The following CDK6 variants were observed in gnomAD, a reference collection of about 807,000 sequenced individuals.
CDK6 encodes cyclin dependent kinase 6, also known as cyclin-dependent kinase 6.
A neutral mutation model predicts 37.1 loss-of-function variants in CDK6; 6 were observed. That is an observed-to-expected ratio of 0.16 (90% CI 0.09 to 0.32). CDK6 has a LOEUF of 0.32. Ranked by LOEUF, CDK6 falls within the 10% of genes least tolerant of loss-of-function variation. The pLI, the probability that CDK6 is intolerant of heterozygous loss-of-function variation, is 1.00. For missense variants in CDK6, 224 were observed against 418.9 expected, an observed-to-expected ratio of 0.53 and a Z score of 4.06; for synonymous variants, 160 against 161.3, an observed-to-expected ratio of 0.99 and a Z score of 0.06.
intron 4 of CDK6, among the ~76,000 whole-genome samples, chr7:92,709,582 T>C (rs1470982315): frequency 6.6e-6 from 1 of 152,190 alleles, no homozygotes; most frequent in Non-Finnish European, 1.5e-5. Flanking sequence ...ATGTATTTTA[T>C]TTATGCATCC....
chr7:92,739,355 T>C (rs371551172), intron 3 of CDK6, among the ~76,000 whole-genome samples: 1 of 152,244 alleles, frequency 6.6e-6, no homozygotes, highest in African/African-American at 2.4e-5. Context: ...AATGTACACA[T>C]GCTTCCTGCT....
intron 3 of CDK6, among the ~76,000 whole-genome samples, chr7:92,750,762 C>A (rs1799169565): frequency 6.6e-6 from 1 of 152,162 alleles, no homozygotes; most frequent in African/African-American, 2.4e-5. Flanking sequence ...TTGTTATAGT[C>A]ACAGTGTGAT....
chr7:92,700,900 A>G (rs1418710939), intron 4 of CDK6, among the ~76,000 whole-genome samples: 1 of 152,286 alleles, frequency 6.6e-6, no homozygotes, highest in Non-Finnish European at 1.5e-5. Flanking sequence ...TCTTTAGAAT[A>G]TCCACTGCGG....
chr7:92,681,749 T>C (rs1797341064), intron 4 of CDK6, among the ~76,000 whole-genome samples: 1 of 152,184 alleles, frequency 6.6e-6, no homozygotes, highest in South Asian at 2.1e-4. Context: ...TTTTAAATTA[T>C]TGCTTAATCT....
chr7:92,817,780 T>C (rs1218361196), intron 2 of CDK6, among the ~76,000 whole-genome samples: 3 of 151,830 alleles, frequency 2.0e-5, no homozygotes, highest in Admixed American at 6.6e-5. Context: ...ACCAGACTAA[T>C]AAGGGAGTTT....
chr7:92,727,183 G>T (rs34741236), intron 3 of CDK6, among the ~76,000 whole-genome samples: 1 of 152,268 alleles, frequency 6.6e-6, no homozygotes, highest in Middle Eastern at 3.4e-3. Flanking sequence ...AATATTATAA[G>T]AATGGTGTAT....
chr7:92,742,411 C>T (rs962261405), intron 3 of CDK6, among the ~76,000 whole-genome samples: 1 of 152,202 alleles, frequency 6.6e-6, no homozygotes, highest in Non-Finnish European at 1.5e-5. Flanking sequence ...CTTTTTAGCA[C>T]AGATTTTGGG....
chr7:92,674,842 T>C (rs1313439109), intron 4 of CDK6, among the ~76,000 whole-genome samples: 1 of 152,230 alleles, frequency 6.6e-6, no homozygotes, highest in African/African-American at 2.4e-5. Flanking sequence ...TTCTTTCTTT[T>C]TTCTTTTTAG....
At chr7:92,656,490 G>C (rs1336823268) in intron 5 of CDK6, among the ~76,000 whole-genome samples, 1 of 152,072 alleles carries the variant, frequency 6.6e-6, no homozygotes, top group Non-Finnish European at 1.5e-5. Flanking sequence ...GTGTTTGGTG[G>C]GAAATTATGT....
intron 2 of CDK6, among the ~76,000 whole-genome samples, chr7:92,805,267 G>T (rs184225508): frequency 3.7e-4 from 56 of 152,124 alleles, no homozygotes; most frequent in Non-Finnish European, 7.5e-4. Flanking sequence ...AGTCACTCAG[G>T]ATCAAAGAGA....
intron 3 of CDK6, among the ~76,000 whole-genome samples, chr7:92,742,395 A>G (rs1451350603): frequency 1.3e-5 from 2 of 152,214 alleles, no homozygotes; most frequent in Non-Finnish European, 2.9e-5. Context: ...GGCTGTAAGC[A>G]GGCAACTTTT....
intron 3 of CDK6, among the ~76,000 whole-genome samples, chr7:92,761,293 TC>T (rs1364629577): frequency 6.6e-6 from 1 of 152,180 alleles, no homozygotes; most frequent in African/African-American, 2.4e-5. Flanking sequence ...AATAGCTCTC[TC>T]CTACACACAT....
chr7:92,673,563 A>T (rs1797137144), intron 4 of CDK6, among the ~76,000 whole-genome samples: 1 of 152,106 alleles, frequency 6.6e-6, no homozygotes, highest in Admixed American at 6.6e-5. Context: ...CTCCCAGAGT[A>T]TTTTCCATCA....
intron 5 of CDK6, among the ~76,000 whole-genome samples, chr7:92,662,628 G>C (rs1367312955): frequency 2.0e-5 from 3 of 152,132 alleles, no homozygotes; most frequent in African/African-American, 7.2e-5. Flanking sequence ...TGGGGGACAG[G>C]GAGAGTGCAA....
chr7:92,793,316 A>G (rs1800327428), intron 2 of CDK6, among the ~76,000 whole-genome samples: 1 of 152,118 alleles, frequency 6.6e-6, no homozygotes, highest in African/African-American at 2.4e-5. Context: ...AAAGAAAAAC[A>G]ATGTTCGAAG....
intron 2 of CDK6, among the ~76,000 whole-genome samples, chr7:92,832,449 A>C (rs995209629): frequency 2.0e-5 from 3 of 152,212 alleles, no homozygotes; most frequent in African/African-American, 7.2e-5. Context: ...AGACACAGGG[A>C]TAACAGTTTT....
intron 3 of CDK6, among the ~76,000 whole-genome samples, chr7:92,750,449 C>A (rs1436535622): frequency 6.6e-6 from 1 of 152,124 alleles, no homozygotes; most frequent in Non-Finnish European, 1.5e-5. Context: ...GGTTACAATC[C>A]TAATTTGTGG....
intron 3 of CDK6, among the ~76,000 whole-genome samples, chr7:92,748,557 A>C (rs1229398062): frequency 6.6e-6 from 1 of 152,206 alleles, no homozygotes; most frequent in Non-Finnish European, 1.5e-5. Context: ...AACTCATTTG[A>C]CTTGCATATT....
At chr7:92,696,892 A>C (rs1001963756) in intron 4 of CDK6, among the ~76,000 whole-genome samples, 7 of 152,238 alleles carry the variant, frequency 4.6e-5, no homozygotes, top group Non-Finnish European at 1.0e-4. Context: ...CAGAAAATTT[A>C]ACCGATTCGC....
Sources: gnomAD v4.1 joint callset for allele counts (sites outside exome capture counted in the v4.1 genomes callset) on GRCh38, gnomAD v4.1.1 for gene constraint, MANE v1.5 for transcripts, NCBI Gene and HGNC (gene_info 2026-07-23, HGNC 2026-07-21) for gene names.